MGAT4C: variants seen among roughly 807,000 people sequenced by gnomAD.
MGAT4C encodes the protein MGAT4 family member C.
In MGAT4C, 19 loss-of-function variants were observed where a neutral mutation model predicts 40.1. That is an observed-to-expected ratio of 0.47 (90% CI 0.33 to 0.70). MGAT4C has a LOEUF of 0.70. Among genes scored for constraint, MGAT4C ranks in the 30% least tolerant of loss-of-function variants. The pLI is 0.02. For synonymous variants in MGAT4C, 181 were observed against 187.1 expected (o/e 0.97, Z 0.27); for missense variants, 491 against 563.2 (o/e 0.87, Z 1.30).
chr12:86,476,062 G>A (rs1475371560), intron 2 of MGAT4C, among the ~76,000 whole-genome samples: 2 of 152,030 alleles, frequency 1.3e-5, no homozygotes, highest in African/African-American at 4.8e-5. Context: ...GTGTGCACGT[G>A]TGTCTGTGTG....
chr12:86,635,030 G>T (rs895049869), intron 2 of MGAT4C, among the ~76,000 whole-genome samples: 1 of 152,120 alleles, frequency 6.6e-6, no homozygotes, highest in Non-Finnish European at 1.5e-5. Flanking sequence ...ACGTCTTACT[G>T]AGCTTTTTAC....
chr12:86,269,046 A>G (rs923174218), intron 4 of MGAT4C, among the ~76,000 whole-genome samples: 1 of 130,270 alleles, frequency 7.7e-6, no homozygotes, highest in South Asian at 2.4e-4. Flanking sequence ...ATATATATAT[A>G]TATATATATA....
At chr12:86,225,847 G>A (rs1951054062) in intron 1 of MGAT4C, among the ~76,000 whole-genome samples, 1 of 151,912 alleles carries the variant, frequency 6.6e-6, no homozygotes, top group Admixed American at 6.6e-5. Context: ...GTATTGAATG[G>A]GGAAAAGTTG....
intron 1 of MGAT4C, among the ~76,000 whole-genome samples, chr12:86,781,957 C>A (rs890506399): frequency 6.6e-6 from 1 of 151,844 alleles, no homozygotes; most frequent in Non-Finnish European, 1.5e-5. Flanking sequence ...GAAAAAAACT[C>A]CACACTTTTA....
chr12:86,284,513 A>G (rs74743683), intron 4 of MGAT4C, among the ~76,000 whole-genome samples: 1,542 of 152,044 alleles, frequency 0.01, 17 homozygotes, highest in East Asian at 0.045. Context: ...AAAACAAATC[A>G]TATATCCCTG....
chr12:86,473,025 A>G (rs61950763), intron 2 of MGAT4C, among the ~76,000 whole-genome samples: 15,816 of 152,044 alleles, frequency 0.1, 1,034 homozygotes, highest in Middle Eastern at 0.25. Flanking sequence ...GTGCAATCTC[A>G]GCTCACTGCA....
intron 1 of MGAT4C, among the ~76,000 whole-genome samples, chr12:86,228,043 C>G (rs912230885): frequency 2.0e-5 from 3 of 151,690 alleles, no homozygotes; most frequent in Non-Finnish European, 3.0e-5. Context: ...ATAGCTTATT[C>G]ACTTCAATAT....
At chr12:86,203,338 C>T (rs943889229) in intron 1 of MGAT4C, among the ~76,000 whole-genome samples, 3 of 152,092 alleles carry the variant, frequency 2.0e-5, no homozygotes, top group African/African-American at 4.8e-5. Context: ...GGCTCCAGTA[C>T]TGTATGACCT....
At chr12:86,727,302 G>T (rs1289033539) in intron 1 of MGAT4C, 1 of 152,106 alleles carries the variant, frequency 6.6e-6, no homozygotes. Flanking sequence ...ATGATGATGA[G>T]AATTATAAAC....
intron 1 of MGAT4C, among the ~76,000 whole-genome samples, chr12:86,231,477 G>T (rs933590133): frequency 2.6e-5 from 4 of 152,104 alleles, no homozygotes; most frequent in Non-Finnish European, 5.9e-5. Flanking sequence ...GTAAGGCAGA[G>T]GGTTTAATTA....
At chr12:86,488,914 C>A (rs1592908376) in intron 2 of MGAT4C, among the ~76,000 whole-genome samples, 1 of 152,190 alleles carries the variant, frequency 6.6e-6, no homozygotes, top group Middle Eastern at 3.4e-3. Flanking sequence ...AAATTCTGGG[C>A]AGACAGAGGT....
intron 2 of MGAT4C, among the ~76,000 whole-genome samples, chr12:86,570,459 C>A (rs544446226): frequency 6.6e-6 from 1 of 152,102 alleles, no homozygotes; most frequent in South Asian, 2.1e-4. Flanking sequence ...TGAACATGGA[C>A]CCCGACTCCT....
At chr12:86,749,101 A>G (rs1472003843) in intron 1 of MGAT4C, among the ~76,000 whole-genome samples, 4 of 151,676 alleles carry the variant, frequency 2.6e-5, no homozygotes, top group Non-Finnish European at 5.9e-5. Flanking sequence ...TCTTCTAGTC[A>G]GCAAAAATAG....
intron 4 of MGAT4C, among the ~76,000 whole-genome samples, chr12:86,272,874 A>T (rs1222661302): frequency 1.3e-5 from 2 of 152,152 alleles, no homozygotes; most frequent in African/African-American, 4.8e-5. Flanking sequence ...TAAATAAATT[A>T]AATTAATTAA....
intron 2 of MGAT4C, among the ~76,000 whole-genome samples, chr12:86,662,149 G>A (rs139243927): frequency 1.5e-3 from 231 of 152,172 alleles, no homozygotes; most frequent in African/African-American, 5.3e-3. Flanking sequence ...CTAATACTTA[G>A]GCATTAATGA....
At chr12:86,206,762 C>T (rs1369769020) in intron 1 of MGAT4C, among the ~76,000 whole-genome samples, 1 of 152,152 alleles carries the variant, frequency 6.6e-6, no homozygotes, top group Non-Finnish European at 1.5e-5. Context: ...GAGGTATTCA[C>T]AGTTGAAGAC....
At chr12:86,151,240 T>C (rs1278561410) in intron 1 of MGAT4C, among the ~76,000 whole-genome samples, 1 of 152,060 alleles carries the variant, frequency 6.6e-6, no homozygotes, top group African/African-American at 2.4e-5. Context: ...CAACCAAGAC[T>C]GCTGAGTTAA....
At chr12:86,128,106 A>G (rs750174791) in intron 1 of MGAT4C, among the ~76,000 whole-genome samples, 3 of 152,196 alleles carry the variant, frequency 2.0e-5, no homozygotes, top group Non-Finnish European at 4.4e-5. Flanking sequence ...CCATTATCAT[A>G]GCCAACACAT....
intron 2 of MGAT4C, among the ~76,000 whole-genome samples, chr12:86,659,524 A>C (rs1963930039): frequency 6.6e-6 from 1 of 152,140 alleles, no homozygotes; most frequent in African/African-American, 2.4e-5. Context: ...GAACAGGGCA[A>C]GTTTAATATA....
Sources: allele counts gnomAD v4.1 joint callset (sites outside exome capture counted in the v4.1 genomes callset), GRCh38; gene constraint gnomAD v4.1.1; transcripts MANE v1.5; gene names NCBI Gene and HGNC (gene_info 2026-07-23, HGNC 2026-07-21).